Variants in TTC6 observed in about 807,000 individuals in gnomAD.
TTC6 encodes the protein tetratricopeptide repeat protein 6.
TTC6 carries 172 observed loss-of-function variants against 210.4 expected under a neutral mutation model. The ratio of observed to expected loss-of-function variants is 0.82; its 90% CI spans 0.72 to 0.93. TTC6 has a LOEUF of 0.93. Among genes scored for constraint, TTC6 ranks in the 40% least tolerant of loss-of-function variants. The pLI is 0.00. For synonymous variants in TTC6, 804 were observed against 819.6 expected (o/e 0.98, Z 0.32); for missense variants, 2,414 against 2,318.1 (o/e 1.04, Z -0.85).
At chr14:37,700,476 C>T (rs1213235591) in intron 4 of TTC6, among the ~76,000 whole-genome samples, 3 of 152,070 alleles carry the variant, frequency 2.0e-5, no homozygotes, top group African/African-American at 7.2e-5. Flanking sequence ...GGCGCAGTGG[C>T]TCACGCCTGT....
At chr14:37,607,130 C>T (rs991793000) in intron 2 of TTC6, among the ~76,000 whole-genome samples, 6 of 152,146 alleles carry the variant, frequency 3.9e-5, no homozygotes, top group African/African-American at 1.4e-4. Context: ...AGCTGGAGAA[C>T]ATGTAAGCAA....
At chr14:37,664,271 C>T (rs542064055) in intron 1 of TTC6, among the ~76,000 whole-genome samples, 1 of 150,580 alleles carries the variant, frequency 6.6e-6, no homozygotes, top group South Asian at 2.1e-4. Flanking sequence ...GCTACAGTAA[C>T]CACAACAGCA....
At chr14:37,705,613 T>C (rs1363980698) in intron 5 of TTC6, among the ~76,000 whole-genome samples, 2 of 152,184 alleles carry the variant, frequency 1.3e-5, no homozygotes, top group Admixed American at 1.3e-4. Context: ...TCAAATGATA[T>C]GCTTAACTCT....
chr14:37,659,847 T>G (rs2095733506), intron 1 of TTC6, among the ~76,000 whole-genome samples: 1 of 150,774 alleles, frequency 6.6e-6, no homozygotes, highest in Non-Finnish European at 1.5e-5. Flanking sequence ...TTTGCGTTTC[T>G]CTAATGGTTA....
chr14:37,829,251 A>G (rs938634734), intron 29 of TTC6, among the ~76,000 whole-genome samples: 4 of 152,020 alleles, frequency 2.6e-5, no homozygotes, highest in African/African-American at 9.7e-5. Flanking sequence ...TAGGCAAGTT[A>G]AGCCCATTTA....
intron 7 of TTC6, among the ~76,000 whole-genome samples, chr14:37,732,774 C>T (rs1187981130): frequency 8.1e-6 from 1 of 124,062 alleles, no homozygotes; most frequent in Non-Finnish European, 1.9e-5. Context: ...CCCGCCACCA[C>T]GCCCAGCTAA....
intron 1 of TTC6, among the ~76,000 whole-genome samples, chr14:37,649,218 A>T (rs1157123543): frequency 6.6e-6 from 1 of 152,046 alleles, no homozygotes; most frequent in Non-Finnish European, 1.5e-5. Flanking sequence ...GGCCTGCTAA[A>T]CTTTTGTGAG....
intron 6 of TTC6, among the ~76,000 whole-genome samples, chr14:37,723,182 C>T (rs935676459): frequency 3.9e-5 from 6 of 151,956 alleles, no homozygotes; most frequent in African/African-American, 1.5e-4. Context: ...TAATTTTTGG[C>T]AGTATTAGAT....
At chr14:37,714,889 G>A in intron 6 of TTC6, 93 bp downstream of exon 8, 1 of 1,245,944 alleles carries the variant, frequency 8.0e-7, no homozygotes. Flanking sequence ...AAAAATTATT[G>A]AGGGCTGGCC....
At chr14:37,759,063 G>A (rs1486349413) in intron 14 of TTC6, among the ~76,000 whole-genome samples, 1 of 152,004 alleles carries the variant, frequency 6.6e-6, no homozygotes, top group Non-Finnish European at 1.5e-5. Flanking sequence ...ATGAGATCAG[G>A]AGATTGAGAC....
intron 25 of TTC6, among the ~76,000 whole-genome samples, chr14:37,813,855 A>G (rs1881119368): frequency 6.6e-6 from 1 of 152,204 alleles, no homozygotes. Flanking sequence ...CCACTAAAGC[A>G]TATTTTGAAT....
chr14:37,789,798 T>C (rs1365355830), intron 15 of TTC6, among the ~76,000 whole-genome samples: 1 of 152,000 alleles, frequency 6.6e-6, no homozygotes, highest in Non-Finnish European at 1.5e-5. Context: ...ATGACTGTAC[T>C]TCCTTAATGT....
chr14:37,781,750 A>T (rs968443588), intron 14 of TTC6, among the ~76,000 whole-genome samples: 4 of 152,122 alleles, frequency 2.6e-5, no homozygotes, highest in African/African-American at 9.7e-5. Context: ...TAGGATTTTT[A>T]TGCTTTTAGG....
At chr14:37,808,646 C>A in intron 23 of TTC6, 87 bp from the exon 26 acceptor site, 1 of 697,562 alleles carries the variant, frequency 1.4e-6, no homozygotes, top group Non-Finnish European at 2.4e-6. Context: ...GTTTCAAAAA[C>A]TCTGATAGAA....
At chr14:37,698,373 G>T (rs1358964984) in intron 4 of TTC6, among the ~76,000 whole-genome samples, 3 of 152,158 alleles carry the variant, frequency 2.0e-5, no homozygotes, top group Admixed American at 2.0e-4. Flanking sequence ...CAGATTGGTT[G>T]TGATGCTTTT....
intron 1 of TTC6, among the ~76,000 whole-genome samples, chr14:37,667,534 C>T (rs551458319): frequency 5.3e-5 from 8 of 150,826 alleles, no homozygotes; most frequent in Admixed American, 1.3e-4. Flanking sequence ...AAAGTCTGTC[C>T]TGTCAGACAT....
chr14:37,634,370 A>AT (rs2095675857), intron 1 of TTC6, among the ~76,000 whole-genome samples: 1 of 152,206 alleles, frequency 6.6e-6, no homozygotes, highest in Non-Finnish European at 1.5e-5. Flanking sequence ...TCATTAGCTG[A>AT]TTGGAGAAGA....
chr14:37,633,439 C>A (rs2095673956), intron 1 of TTC6, among the ~76,000 whole-genome samples: 1 of 152,190 alleles, frequency 6.6e-6, no homozygotes, highest in African/African-American at 2.4e-5. Context: ...TCAGCTGACC[C>A]TTTGTGGGCT....
At chr14:37,678,843 A>G (rs1436313931) in intron 1 of TTC6, among the ~76,000 whole-genome samples, 1 of 152,190 alleles carries the variant, frequency 6.6e-6, no homozygotes, top group Admixed American at 6.6e-5. Context: ...TAAAAAGTAG[A>G]AAAATAAGAG....
Sources: allele counts gnomAD v4.1 joint callset (sites outside exome capture counted in the v4.1 genomes callset), GRCh38; gene constraint gnomAD v4.1.1; transcripts MANE v1.5; gene names NCBI Gene and HGNC (gene_info 2026-07-23, HGNC 2026-07-21).